Variants in ART3 observed in about 807,000 individuals in gnomAD.
The protein encoded by ART3 is ADP-ribosyltransferase 3 (inactive), also known as ecto-ADP-ribosyltransferase 3.
In ART3, 49 loss-of-function variants were observed where a neutral mutation model predicts 48.5. The observed-to-expected ratio is 1.01, with a 90% CI of 0.80 to 1.28. The LOEUF (loss-of-function observed/expected upper bound fraction) is 1.28. Among genes scored for constraint, ART3 ranks in the 50% most tolerant of loss-of-function variants. The probability of loss-of-function intolerance (pLI) is 0.00; values close to 1 mark genes in which losing one functional copy is unlikely to be tolerated. For synonymous variants in ART3, 145 were observed against 157.2 expected (o/e 0.92, Z 0.58); for missense variants, 438 against 454.3 (o/e 0.96, Z 0.33).
intron 3 of ART3, among the ~76,000 whole-genome samples, chr4:76,090,427 C>G (rs1048102798): frequency 1.3e-5 from 2 of 152,316 alleles, no homozygotes; most frequent in Admixed American, 6.5e-5. Flanking sequence ...GTCCTCGTGA[C>G]CTACAAATTC....
chr4:76,104,777 G>GTAAGGACTA, intron 10 of ART3, 148 bp downstream of exon 10: 1 of 1,053,970 alleles, frequency 9.5e-7, no homozygotes, highest in Non-Finnish European at 1.4e-6. Context: ...AGGAATATTT[G>GTAAGGACTA]TAAGGACTAT....
chr4:76,013,624 A>T (rs995151237), intron 1 of ART3, among the ~76,000 whole-genome samples: 4 of 152,158 alleles, frequency 2.6e-5, no homozygotes, highest in African/African-American at 4.8e-5. Context: ...TACAACAGTG[A>T]TCTTACTATT....
At chr4:76,022,098 C>T (rs1732887141) in intron 1 of ART3, 1 of 844,058 alleles carries the variant, frequency 1.2e-6, no homozygotes, top group South Asian at 1.5e-5. Context: ...TTGCTTTTTT[C>T]AACCATGAAA....
At position 76,034,495 on chromosome 4, in the gene ART3, A is replaced by G. The variant is rs189121800; in HGVS notation, c.-10+23175A>G. ...AGTAAGAACGTGAAAGCACTTTGTA[A>G]ACTCCGATGGTAACCAGCCTTTCTT... On this transcript the variant is annotated intron_variant, in intron 1 of 9. Transcript: ENST00000341029. 15 of 517,520 alleles carry G rather than the reference A, an allele frequency of 2.9e-5. No homozygotes were observed. The East Asian group carries it at 4.7e-4, about 16-fold the overall frequency. The allele number at this position is 517,520 out of a possible 1,614,324, so 32.1% of individuals were successfully genotyped here.
intron 11 of ART3, among the ~76,000 whole-genome samples, chr4:76,108,341 T>C (rs1475189626): frequency 1.4e-5 from 2 of 142,056 alleles, no homozygotes; most frequent in African/African-American, 5.8e-5. Context: ...AGATACTAAA[T>C]AAAAACTGAT....
At chr4:76,050,426 G>A (rs1302012356) in intron 1 of ART3, among the ~76,000 whole-genome samples, 1 of 152,158 alleles carries the variant, frequency 6.6e-6, no homozygotes, top group Non-Finnish European at 1.5e-5. Context: ...TAGATACGGA[G>A]TGTCAATTGG....
intron 9 of ART3, among the ~76,000 whole-genome samples, 161 bp downstream of exon 9, chr4:76,104,130 T>A (rs1350684176): frequency 6.6e-6 from 1 of 152,158 alleles, no homozygotes; most frequent in East Asian, 1.9e-4. Context: ...CGTAGAGAAG[T>A]CTCTTTCCTC....
chr4:76,061,688 C>T (rs1359814924), intron 1 of ART3, among the ~76,000 whole-genome samples: 1 of 152,178 alleles, frequency 6.6e-6, no homozygotes, highest in Non-Finnish European at 1.5e-5. Context: ...TCATGCTGTC[C>T]AGCTGTATTA....
In ART3 at chr4:76,021,939, T is replaced by G. The variant is rs528493936; in HGVS notation, c.-10+10619T>G. 74 of 1,611,678 alleles carry G rather than the reference T, an allele frequency of 4.6e-5. 5 individuals carry two copies. The South Asian group carries it at 5.2e-4, about 11-fold the overall frequency. On this transcript the variant is annotated intron_variant, in intron 1 of 9. Transcript: ENST00000341029. ...TTGCTCCCCTCTGGTTTTAAGGAGATCTTTTAGACCTGTAAGAAGAGAAAG... is the reference window on the plus strand; with the variant it reads ...TTGCTCCCCTCTGGTTTTAAGGAGAGCTTTTAGACCTGTAAGAAGAGAAAG...
intron 11 of ART3, among the ~76,000 whole-genome samples, chr4:76,108,599 C>G (rs986348002): frequency 6.7e-6 from 1 of 149,302 alleles, no homozygotes; most frequent in African/African-American, 2.5e-5. Flanking sequence ...TCCAAACTGC[C>G]TCTTGGGGCA....
intron 1 of ART3, among the ~76,000 whole-genome samples, chr4:76,016,924 AG>A (rs897615654): frequency 6.6e-6 from 1 of 152,098 alleles, no homozygotes; most frequent in Non-Finnish European, 1.5e-5. Flanking sequence ...AGGGCTCTTC[AG>A]TCTGCTTATG....
chr4:76,079,376 C>T (rs1034554130), intron 2 of ART3, among the ~76,000 whole-genome samples: 3 of 152,086 alleles, frequency 2.0e-5, no homozygotes, highest in African/African-American at 7.2e-5. Context: ...AGAACCAGGT[C>T]GTTGTGGCTG....
At chr4:76,053,970 T>C (rs988649010) in intron 1 of ART3, among the ~76,000 whole-genome samples, 1 of 152,272 alleles carries the variant, frequency 6.6e-6, no homozygotes, top group Non-Finnish European at 1.5e-5. Flanking sequence ...GACGTTCATG[T>C]TAATTTTTCA....
chr4:76,047,294 T>A (rs983972238), intron 1 of ART3, among the ~76,000 whole-genome samples: 1 of 152,002 alleles, frequency 6.6e-6, no homozygotes, highest in Non-Finnish European at 1.5e-5. Flanking sequence ...CTTTCTCTGA[T>A]CTTGCTTTTC....
At chr4:76,070,872 T>G (rs1720240824), upstream of ART3, among the ~76,000 whole-genome samples, 1 of 152,094 alleles carries the variant, frequency 6.6e-6, no homozygotes, top group Non-Finnish European at 1.5e-5. Flanking sequence ...TTCCTCCTGT[T>G]CATATTAGAT....
chr4:76,089,388 G>A (rs1724320931), intron 3 of ART3, among the ~76,000 whole-genome samples: 1 of 150,794 alleles, frequency 6.6e-6, no homozygotes, highest in Non-Finnish European at 1.5e-5. Context: ...TAATTATTTA[G>A]CACCGTCCCC....
chr4:76,090,344 C>A (rs1050805412), intron 3 of ART3, among the ~76,000 whole-genome samples: 3 of 152,190 alleles, frequency 2.0e-5, no homozygotes, highest in African/African-American at 7.2e-5. Context: ...CATGACTTTT[C>A]TTTCGATAAG....
chr4:76,102,303 A>G (rs1272494074), intron 8 of ART3, among the ~76,000 whole-genome samples: 1 of 151,948 alleles, frequency 6.6e-6, no homozygotes, highest in African/African-American at 2.4e-5. Flanking sequence ...AAAATGGCCA[A>G]TTTGGGAAAT....
intron 1 of ART3, chr4:76,034,406 T>C: frequency 2.2e-6 from 1 of 463,946 alleles, no homozygotes; most frequent in East Asian, 3.5e-5. Flanking sequence ...CACAACAGAA[T>C]AGTTGTAAGC....
Sources: allele counts gnomAD v4.1 joint callset (sites outside exome capture counted in the v4.1 genomes callset), GRCh38; gene constraint gnomAD v4.1.1; transcripts MANE v1.5; gene names NCBI Gene and HGNC (gene_info 2026-07-23, HGNC 2026-07-21).